Variants in ENTREP2 observed in about 807,000 individuals in gnomAD.
The protein encoded by ENTREP2 is endosomal transmembrane epsin interactor 2.
chr15:29,411,005 C>T, the ENTREP2 span, among the ~76,000 whole-genome samples: 1 of 152,102 alleles, frequency 6.6e-6, no homozygotes, highest in African/African-American at 2.4e-5. Context: ...AGGCTGGTCT[C>T]GAATTCCTGA....
At chr15:29,589,749 T>C in the ENTREP2 span, among the ~76,000 whole-genome samples, 1 of 152,198 alleles carries the variant, frequency 6.6e-6, no homozygotes, top group Admixed American at 6.5e-5. Flanking sequence ...GCAGCTGTGA[T>C]ACAGACAGTA....
chr15:29,648,159 G>A, the ENTREP2 span, among the ~76,000 whole-genome samples: 1 of 152,162 alleles, frequency 6.6e-6, no homozygotes, highest in Non-Finnish European at 1.5e-5. Context: ...GAGGTGCCAT[G>A]GGGTACCAAA....
the ENTREP2 span, among the ~76,000 whole-genome samples, chr15:29,125,077 G>A: frequency 1.3e-5 from 2 of 152,202 alleles, no homozygotes; most frequent in African/African-American, 4.8e-5. Context: ...GCATGTGCCT[G>A]CGGCGTGCAC....
chr15:29,371,118 CT>C, the ENTREP2 span, among the ~76,000 whole-genome samples: 1 of 152,038 alleles, frequency 6.6e-6, no homozygotes, highest in Admixed American at 6.6e-5. Context: ...ACAATGGACA[CT>C]GAAGTTGGGG....
the ENTREP2 span, among the ~76,000 whole-genome samples, chr15:29,444,222 GAAAGAAAGAAAGA>G: frequency 6.7e-6 from 1 of 148,720 alleles, no homozygotes; most frequent in African/African-American, 2.5e-5. Context: ...AAGAAAGAAA[GAAAGAAAGAAAGA>G]AAGAAAGAAA....
At chr15:29,360,045 G>T in the ENTREP2 span, among the ~76,000 whole-genome samples, 4 of 152,164 alleles carry the variant, frequency 2.6e-5, no homozygotes, top group African/African-American at 9.7e-5. Context: ...ACCTGGGTAC[G>T]TAGAGAGAGT....
At chr15:29,636,386 C>T in the ENTREP2 span, among the ~76,000 whole-genome samples, 3 of 152,202 alleles carry the variant, frequency 2.0e-5, 1 homozygote, top group Non-Finnish European at 2.9e-5. Flanking sequence ...ACCATGAGAA[C>T]ACGTCCAGGT....
At chr15:29,200,437 A>C in the ENTREP2 span, among the ~76,000 whole-genome samples, 3 of 152,210 alleles carry the variant, frequency 2.0e-5, no homozygotes, top group South Asian at 6.2e-4. Flanking sequence ...CAGACTTCCA[A>C]AGTGCTGGGT....
the ENTREP2 span, among the ~76,000 whole-genome samples, chr15:29,655,693 G>A: frequency 3.9e-5 from 6 of 151,976 alleles, no homozygotes; most frequent in African/African-American, 1.2e-4. Context: ...AAAACTATGA[G>A]AAAGAATCAA....
chr15:29,254,015 T>C, the ENTREP2 span, among the ~76,000 whole-genome samples: 4 of 152,072 alleles, frequency 2.6e-5, no homozygotes, highest in Non-Finnish European at 5.9e-5. Context: ...CAAGGAAGTC[T>C]GTATGCTTAA....
the ENTREP2 span, among the ~76,000 whole-genome samples, chr15:29,644,975 G>A: frequency 2.6e-5 from 4 of 152,130 alleles, no homozygotes; most frequent in African/African-American, 4.8e-5. Flanking sequence ...CCAGCTCTTT[G>A]GGAGGCCAAG....
chr15:29,380,471 G>C, the ENTREP2 span, among the ~76,000 whole-genome samples: 1 of 152,092 alleles, frequency 6.6e-6, no homozygotes, highest in Non-Finnish European at 1.5e-5. Flanking sequence ...AAAATGCCAC[G>C]CTGTCTTTTT....
At chr15:29,420,699 AC>A in the ENTREP2 span, among the ~76,000 whole-genome samples, 1 of 152,204 alleles carries the variant, frequency 6.6e-6, no homozygotes, top group African/African-American at 2.4e-5. Context: ...CCTCTATATG[AC>A]ACTTGGGAAG....
the ENTREP2 span, chr15:29,570,461 G>A: frequency 1.5e-5 from 17 of 1,130,922 alleles, no homozygotes; most frequent in Middle Eastern, 1.1e-3. Flanking sequence ...CCCCCGGCCC[G>A]CGCAGTCCCC....
At chr15:29,363,393 A>T in the ENTREP2 span, among the ~76,000 whole-genome samples, 6 of 152,166 alleles carry the variant, frequency 3.9e-5, no homozygotes, top group African/African-American at 1.2e-4. Flanking sequence ...TGATTCATAA[A>T]TTTTTTTCCA....
the ENTREP2 span, among the ~76,000 whole-genome samples, chr15:29,401,000 C>A: frequency 1.3e-5 from 2 of 152,216 alleles, no homozygotes; most frequent in Non-Finnish European, 2.9e-5. Context: ...CTCCTCCTTG[C>A]CCAGGTGGCC....
At chr15:29,656,229 AT>A in the ENTREP2 span, among the ~76,000 whole-genome samples, 9,524 of 145,290 alleles carry the variant, frequency 0.066, 313 homozygotes, top group African/African-American at 0.1. Context: ...TGTTAACGGA[AT>A]TTTTTTTTTT....
the ENTREP2 span, among the ~76,000 whole-genome samples, chr15:29,418,864 C>G: frequency 6.6e-6 from 1 of 152,226 alleles, no homozygotes; most frequent in Non-Finnish European, 1.5e-5. Context: ...GGGGGAAACC[C>G]CAGCAGGGCT....
the ENTREP2 span, among the ~76,000 whole-genome samples, chr15:29,177,491 C>T: frequency 6.6e-6 from 1 of 152,206 alleles, no homozygotes; most frequent in Non-Finnish European, 1.5e-5. Context: ...CAATATGTAT[C>T]TTCTTCCTGC....
Sources: gnomAD v4.1 joint callset for allele counts (sites outside exome capture counted in the v4.1 genomes callset) on GRCh38, gnomAD v4.1.1 for gene constraint, MANE v1.5 for transcripts, NCBI Gene and HGNC (gene_info 2026-07-23, HGNC 2026-07-21) for gene names.